DIP2B: variants seen among roughly 807,000 people sequenced by gnomAD.
DIP2B encodes disco-interacting protein 2 homolog B.
In DIP2B, 76 loss-of-function variants were observed where a neutral mutation model predicts 198.0. That is an observed-to-expected ratio of 0.38 (90% CI 0.32 to 0.46). The LOEUF is 0.46. DIP2B is among the 20% of genes least tolerant of loss of function. The pLI is 0.99. For missense variants in DIP2B, 1,559 were observed against 1,978.4 expected (o/e 0.79, Z 4.02); for synonymous variants, 701 against 739.1 (o/e 0.95, Z 0.84).
intron 1 of DIP2B, among the ~76,000 whole-genome samples, chr12:50,528,418 T>C (rs1399797039): frequency 6.6e-6 from 1 of 150,798 alleles, no homozygotes; most frequent in Non-Finnish European, 1.5e-5. Flanking sequence ...CTGGGCAACA[T>C]AATGAGACCT....
chr12:50,588,742 A>T (rs756302472), intron 1 of DIP2B, among the ~76,000 whole-genome samples: 4 of 152,148 alleles, frequency 2.6e-5, no homozygotes, highest in Non-Finnish European at 4.4e-5. Flanking sequence ...TTTGTGCCAA[A>T]CTTTCTGTAG....
intron 1 of DIP2B, among the ~76,000 whole-genome samples, chr12:50,565,170 A>AT (rs1316379831): frequency 6.6e-6 from 1 of 151,562 alleles, no homozygotes; most frequent in Non-Finnish European, 1.5e-5. Flanking sequence ...ACCTGCTTTT[A>AT]TTTTTTTGTG....
chr12:50,646,338 G>A (rs1027279971), intron 3 of DIP2B, among the ~76,000 whole-genome samples: 2 of 151,972 alleles, frequency 1.3e-5, no homozygotes, highest in African/African-American at 4.8e-5. Context: ...GGCCAGGCTG[G>A]TCTGGAGCTC....
chr12:50,631,227 CA>C (rs1938046953), intron 2 of DIP2B, among the ~76,000 whole-genome samples: 1 of 143,518 alleles, frequency 7.0e-6, no homozygotes, highest in African/African-American at 2.5e-5. Flanking sequence ...CTCCTGGGTT[CA>C]AGCGATTTTT....
At chr12:50,593,058 GT>G (rs1958833205) in intron 1 of DIP2B, among the ~76,000 whole-genome samples, 1 of 152,138 alleles carries the variant, frequency 6.6e-6, no homozygotes, top group African/African-American at 2.4e-5. Context: ...CCAAATTTCA[GT>G]TTGAGCTAAA....
At chr12:50,633,280 C>T (rs1252748843) in intron 2 of DIP2B, 1 of 152,154 alleles carries the variant, frequency 6.6e-6, no homozygotes, top group Admixed American at 6.6e-5. Flanking sequence ...AGGGTGCTTG[C>T]TTTGGCAGTA....
At chr12:50,689,639 GATGGATAT>G (rs1210753205) in intron 12 of DIP2B, among the ~76,000 whole-genome samples, 1 of 152,218 alleles carries the variant, frequency 6.6e-6, no homozygotes, top group African/African-American at 2.4e-5. Context: ...AGAAGTCAGT[GATGGATAT>G]ATGAGTTTCA....
intron 1 of DIP2B, among the ~76,000 whole-genome samples, chr12:50,599,375 G>C (rs1465107184): frequency 6.6e-6 from 1 of 152,110 alleles, no homozygotes; most frequent in Non-Finnish European, 1.5e-5. Flanking sequence ...CAGCACTTTG[G>C]GAGGCCAAGG....
At chr12:50,718,873 T>C in intron 24 of DIP2B, 55 bp downstream of exon 24, 2 of 1,611,380 alleles carry the variant, frequency 1.2e-6, no homozygotes, top group South Asian at 1.1e-5. Context: ...CAGAACTTAC[T>C]GCAGGTAGCA....
At chr12:50,610,881 C>T (rs752220072) in intron 1 of DIP2B, among the ~76,000 whole-genome samples, 61 of 151,002 alleles carry the variant, frequency 4.0e-4, no homozygotes, top group Non-Finnish European at 7.7e-4. Flanking sequence ...TGGCTCACTG[C>T]AACCTCTGCC....
intron 1 of DIP2B, among the ~76,000 whole-genome samples, chr12:50,560,781 CTCAAATTATAT>C (rs907910974): frequency 7.2e-4 from 109 of 152,154 alleles, no homozygotes; most frequent in African/African-American, 2.6e-3. Flanking sequence ...AAAAGTCTTT[CTCAAATTATAT>C]TCTGATGATC....
rs545124089 is a variant in DIP2B at position 50,540,827 on chromosome 12, G to A, written c.100+35587G>A. Among the ~76,000 whole-genome samples the A allele has an allele frequency of 4.6e-5, 7 of 151,896 alleles. No individual in the cohort carries two copies. In the East Asian group the frequency reaches 1.2e-3, roughly 25 times the overall value. On this transcript the variant is annotated intron_variant, in intron 1 of 37. Coordinates refer to ENST00000301180, the MANE Select transcript of DIP2B (RefSeq NM_173602.3). ...GCTGGGATTACAGGCGTGAGCCACC[G>A]CGCCCAGCCAGCTATGAACATTTTT...
At chr12:50,584,133 G>A (rs1565833439) in intron 1 of DIP2B, among the ~76,000 whole-genome samples, 2 of 152,108 alleles carry the variant, frequency 1.3e-5, no homozygotes, top group African/African-American at 4.8e-5. Flanking sequence ...GGCTTTAAAT[G>A]CCATCTTTAT....
chr12:50,702,362 A>G (rs1339525677), intron 19 of DIP2B, among the ~76,000 whole-genome samples: 4 of 150,808 alleles, frequency 2.7e-5, no homozygotes, highest in South Asian at 2.1e-4. Context: ...AAAAGAGTTC[A>G]AGACCAGCCT....
chr12:50,637,311 A>G (rs779501770), intron 2 of DIP2B, among the ~76,000 whole-genome samples: 17 of 152,214 alleles, frequency 1.1e-4, no homozygotes, highest in Non-Finnish European at 1.6e-4. Flanking sequence ...GCTTAGGACA[A>G]GTGACCTGAT....
intron 1 of DIP2B, among the ~76,000 whole-genome samples, chr12:50,515,094 C>T (rs987425999): frequency 3.9e-5 from 6 of 152,126 alleles, no homozygotes; most frequent in Non-Finnish European, 8.8e-5. Flanking sequence ...TTATTTCTTA[C>T]CTTTGCTTAG....
intron 23 of DIP2B, among the ~76,000 whole-genome samples, chr12:50,716,864 C>T (rs1247464248): frequency 6.6e-6 from 1 of 150,634 alleles, no homozygotes; most frequent in Non-Finnish European, 1.5e-5. Context: ...GTGGGCTCCC[C>T]CGTTTATTTT....
At position 50,671,291 on chromosome 12, in the gene DIP2B, C is replaced by A; in HGVS notation, c.533C>A (p.Ser178Ter). ...LQNAESWINR[S>*]IQGSSTSSSA... ...AATGCTGAGTCCTGGATCAACCGTT[C>A]AATTCAGGGATCGTCCACTTCTTCA... The change falls in exon 5 of 38, where the codon TCA (serine) becomes TAA (stop). Residue 178 changes from serine (S) to a stop codon, truncating the protein, a stop_gained. Transcript: ENST00000301180. LOFTEE classifies it high-confidence loss of function. 1 of 1,614,146 alleles carries A rather than the reference C, an allele frequency of 6.2e-7. No homozygotes were observed.
intron 3 of DIP2B, among the ~76,000 whole-genome samples, chr12:50,656,334 T>A (rs899414148): frequency 3.3e-5 from 5 of 152,134 alleles, no homozygotes; most frequent in African/African-American, 1.2e-4. Context: ...TAATTCTAGG[T>A]CTGGAGGAGG....
Sources: allele counts gnomAD v4.1 joint callset (sites outside exome capture counted in the v4.1 genomes callset), GRCh38; gene constraint gnomAD v4.1.1; transcripts MANE v1.5; gene names NCBI Gene and HGNC (gene_info 2026-07-23, HGNC 2026-07-21).